Variants in XPOT observed in about 807,000 individuals in gnomAD.
XPOT encodes the protein exportin-T.
A neutral mutation model predicts 128.2 loss-of-function variants in XPOT; 34 were observed. The observed-to-expected ratio is 0.27, with a 90% CI of 0.20 to 0.35. The LOEUF is 0.35. Ranked by LOEUF, XPOT falls within the 10% of genes least tolerant of loss-of-function variation. The pLI is 1.00. For synonymous variants in XPOT, 348 were observed against 394.3 expected, an observed-to-expected ratio of 0.88 and a Z score of 1.39; for missense variants, 838 against 1,125.3, an observed-to-expected ratio of 0.74 and a Z score of 3.65.
chr12:64,405,695 T>C (rs2039974121), intron 1 of XPOT, among the ~76,000 whole-genome samples: 1 of 152,218 alleles, frequency 6.6e-6, no homozygotes. Flanking sequence ...CTCGGCTCAC[T>C]GCAACCTCTG....
chr12:64,420,134 A>G lies in XPOT; in HGVS notation c.554A>G (p.Glu185Gly). Residue 185 changes from glutamate (E) to glycine (G), a missense_variant, in exon 7 of 25, where the codon GAA becomes GGA. Glu to Gly is a moderately conservative substitution (Grantham distance 98, BLOSUM62 -2). Coordinates refer to ENST00000332707, the MANE Select transcript of XPOT (RefSeq NM_007235.6). ...MREQCIPNLV[E>G]SWYQILQNYQ... The stretch of plus-strand genomic sequence containing the variant: ...GAACAGTGCATTCCAAATCTGGTGG[A>G]ATCATGGTACCAAATATTACAAAAT... 1 of 1,610,932 alleles carries G rather than the reference A, an allele frequency of 6.2e-7. No individual in the cohort carries two copies. The highest frequency in any genetic ancestry group is 8.5e-7 in the Non-Finnish European group (1 of 1,178,914).
chr12:64,416,761 C>G lies in XPOT; in HGVS notation c.200+7C>G. 6.2e-7 allele frequency: 1 copy of G among 1,609,696 alleles called. No homozygotes were observed. ...AACATCAAGTTAAATACAAGTAAGG[C>G]TTTTCTTACTGTTTTGACTCAGATT... On this transcript the variant is annotated splice_region_variant and intron_variant, in intron 4 of 24. Transcript: ENST00000332707.
intron 1 of XPOT, among the ~76,000 whole-genome samples, chr12:64,407,152 A>T (rs1453013300): frequency 6.6e-6 from 1 of 152,146 alleles, no homozygotes; most frequent in African/African-American, 2.4e-5. Context: ...ACTATGTCCT[A>T]GGGACATAGT....
intron 23 of XPOT, among the ~76,000 whole-genome samples, chr12:64,440,879 T>C (rs186474349): frequency 6.6e-6 from 1 of 152,220 alleles, no homozygotes; most frequent in Admixed American, 6.5e-5. Flanking sequence ...TTTGCAAATA[T>C]TTTCTCCCAT....
chr12:64,421,587 T>G, intron 9 of XPOT, 116 bp downstream of exon 9: 1 of 670,878 alleles, frequency 1.5e-6, no homozygotes, highest in East Asian at 2.7e-5. Flanking sequence ...TACCTAAAGA[T>G]ATTTACTGTT....
intron 2 of XPOT, 145 bp downstream of exon 2, chr12:64,410,240 A>G (rs1039650616): frequency 3.0e-6 from 2 of 657,058 alleles, no homozygotes; most frequent in African/African-American, 3.6e-5. Flanking sequence ...ATATATTTTG[A>G]ATATAGAAAC....
At chr12:64,418,804 A>T in intron 5 of XPOT, 72 bp from the exon 6 acceptor site, 1 of 1,429,118 alleles carries the variant, frequency 7.0e-7, no homozygotes, top group Non-Finnish European at 9.6e-7. Context: ...TTTGCCTTTT[A>T]ATAAGACAAC....
intron 6 of XPOT, 38 bp from the exon 7 acceptor site, chr12:64,420,032 A>G (rs2040123460): frequency 1.3e-6 from 2 of 1,511,878 alleles, no homozygotes; most frequent in African/African-American, 1.4e-5. Flanking sequence ...ATGATTTTGT[A>G]AGGTAATCTA....
intron 6 of XPOT, 89 bp downstream of exon 6, chr12:64,419,183 T>C (rs2040116166): frequency 1.9e-6 from 2 of 1,060,798 alleles, no homozygotes; most frequent in African/African-American, 3.2e-5. Context: ...GAAGTTTTCT[T>C]TCTTGAGGTA....
intron 8 of XPOT, 33 bp from the exon 9 acceptor site, chr12:64,421,201 GT>G (rs2040135481): frequency 1.3e-6 from 2 of 1,533,382 alleles, no homozygotes; most frequent in Admixed American, 3.4e-5. Context: ...TGGGCAGGCA[GT>G]TTTAAACAGA....
intron 17 of XPOT, among the ~76,000 whole-genome samples, chr12:64,431,284 A>G (rs1484389701): frequency 6.6e-6 from 1 of 152,198 alleles, no homozygotes; most frequent in Non-Finnish European, 1.5e-5. Flanking sequence ...GTAGACTCAC[A>G]TTAGAAGGAT....
intron 11 of XPOT, among the ~76,000 whole-genome samples, chr12:64,423,565 T>C (rs1332840405): frequency 6.6e-6 from 1 of 152,148 alleles, no homozygotes; most frequent in Non-Finnish European, 1.5e-5. Flanking sequence ...GTGATTCTTG[T>C]GCCTCAGCCA....
chr12:64,425,464 A>C lies in XPOT; in HGVS notation c.1572+7A>C. 3.7e-6 allele frequency: 6 copies of C among 1,612,170 alleles called. No individual in the cohort carries two copies. In the South Asian group the frequency reaches 6.6e-5, roughly 18 times the overall value. ...GCACATTCCATGTGTACTAGTAAGT[A>C]CTCTGGATTTTTGTTACTTTCCATG... On this transcript the variant is annotated splice_region_variant and intron_variant, in intron 14 of 24. Coordinates refer to ENST00000332707, the MANE Select transcript of XPOT (RefSeq NM_007235.6).
intron 2 of XPOT, among the ~76,000 whole-genome samples, chr12:64,410,881 A>G (rs183709984): frequency 6.6e-6 from 1 of 152,328 alleles, no homozygotes; most frequent in African/African-American, 2.4e-5. Context: ...CTATAGGGTA[A>G]GTGGAAAGGA....
intron 23 of XPOT, among the ~76,000 whole-genome samples, chr12:64,440,459 C>A (rs2040315935): frequency 1.3e-5 from 2 of 152,170 alleles, no homozygotes; most frequent in South Asian, 4.1e-4. Flanking sequence ...GATTCCAATT[C>A]TTTTAGATAA....
intron 15 of XPOT, among the ~76,000 whole-genome samples, chr12:64,426,433 C>T (rs74836647): frequency 0.014 from 2,179 of 151,938 alleles, 44 homozygotes; most frequent in African/African-American, 0.049. Flanking sequence ...AGCAAATTAA[C>T]GCAGAAACAA....
chr12:64,405,531 G>A (rs1357947399), intron 1 of XPOT, among the ~76,000 whole-genome samples: 1 of 152,180 alleles, frequency 6.6e-6, no homozygotes, highest in Non-Finnish European at 1.5e-5. Flanking sequence ...AAAAGTTAAG[G>A]CTTAATATTT....
intron 1 of XPOT, among the ~76,000 whole-genome samples, chr12:64,406,569 A>G (rs1314953130): frequency 2.1e-5 from 3 of 145,946 alleles, no homozygotes; most frequent in African/African-American, 2.6e-5. Flanking sequence ...GGGTTTCTCC[A>G]TGTTGGTCAG....
chr12:64,416,816 T>C lies in XPOT; in HGVS notation c.200+62T>C, dbSNP rs1418258587. ...GGGAGAGGTCATTTTTTTAATTTAA[T>C]GTTTTTCTTCCATAAGGAAACCATA... is the stretch of plus-strand genomic sequence containing the variant. On this transcript the variant is annotated intron_variant, in intron 4 of 24. Transcript: ENST00000332707. The C allele has an allele frequency of 7.8e-6, 11 of 1,405,898 alleles. No homozygotes were observed. The African/African-American group carries it at 1.2e-4, about 15-fold the overall frequency. 87.1% of individuals were successfully genotyped at this position (1,405,898 alleles called of 1,614,324 possible).
Sources: allele counts gnomAD v4.1 joint callset (sites outside exome capture counted in the v4.1 genomes callset), GRCh38; gene constraint gnomAD v4.1.1; transcripts MANE v1.5; gene names NCBI Gene and HGNC (gene_info 2026-07-23, HGNC 2026-07-21).